Variants in ACHE observed in about 807,000 individuals in gnomAD.
ACHE encodes the protein acetylcholinesterase.
Under a neutral mutation model 53.9 loss-of-function variants are expected in ACHE, and 19 were observed. The observed-to-expected ratio is 0.35, with a 90% CI of 0.25 to 0.52. ACHE has a LOEUF of 0.52. ACHE is among the 20% of genes least tolerant of loss of function. The probability of loss-of-function intolerance (pLI) is 0.95; values close to 1 mark genes in which losing one functional copy is unlikely to be tolerated. For synonymous variants in ACHE, 392 were observed against 378.1 expected (o/e 1.04, Z -0.43); for missense variants, 605 against 849.4 (o/e 0.71, Z 3.58).
At chr7:100,895,017 C>T (rs923005292) in intron 1 of ACHE, among the ~76,000 whole-genome samples, 1 of 152,028 alleles carries the variant, frequency 6.6e-6, no homozygotes, top group African/African-American at 2.4e-5. Flanking sequence ...AGCCAGGAGC[C>T]GGGAACTTGG....
Position 100,893,359 on chromosome 7 carries a change from C to T in ACHE, c.874G>A (p.Gly292Ser), listed in dbSNP as rs150598944. ...AGCTCTGTGTCATTCCCACCAGTGC[C>T]GCCTGGAGGACAGCCCACAAGGTGG... is the stretch of plus-strand genomic sequence containing the variant. ...LAHLVGCPPG[G>S]TGGNDTELVA... Residue 292 changes from glycine to serine, a missense_variant, in exon 2 of 5, where the codon GGC (glycine) becomes AGC (serine). Physicochemically the swap from Gly to Ser is moderately conservative, Grantham distance 56. This residue lies in a region of ACHE where 397 missense variants were observed against 632.5 expected (regional missense o/e 0.63). Transcript: ENST00000241069. 31 of 1,613,572 alleles carry T rather than the reference C, an allele frequency of 1.9e-5. No homozygotes were observed. Among genetic ancestry groups the T allele is most frequent in the African/African-American group, 1.6e-4 (12 of 74,938 alleles).
intron 1 of ACHE, among the ~76,000 whole-genome samples, chr7:100,894,780 C>T (rs1206290418): frequency 2.0e-5 from 3 of 152,070 alleles, no homozygotes; most frequent in African/African-American, 7.2e-5. Flanking sequence ...CCTGCCTAGT[C>T]CACTCCCCAC....
At position 100,892,462 on chromosome 7, in the gene ACHE, C is replaced by A; in HGVS notation, c.1425G>T (p.Gly475=). The A allele has an allele frequency of 1.3e-6, 2 of 1,567,068 alleles. No individual in the cohort carries two copies. The highest frequency in any genetic ancestry group is 1.7e-6 in the Non-Finnish European group (2 of 1,149,704). The part of the protein sequence containing the change: ...ASTLSWPLWM[G]VPHGYEIEFI... Reference sequence around the variant, plus strand: ...ACTCGATCTCGTAGCCGTGGGGCACCCCCATCCACAGGGGCCAGGAGAGCG... The same window carrying A: ...ACTCGATCTCGTAGCCGTGGGGCACACCCATCCACAGGGGCCAGGAGAGCG... The change falls in exon 3 of 5, where the codon GGG becomes GGT. Residue 475 remains glycine, a synonymous_variant. Coordinates refer to ENST00000241069, the MANE Select transcript of ACHE (RefSeq NM_000665.5). This position sits in a 1 kb window ranked among gnomAD's most constrained non-coding sequence, Gnocchi z 5.2.
Position 100,892,864 on chromosome 7 carries a change from C to A in ACHE, c.1069-46G>T. ...GGTGGGATGGAGCGACAGGCACAGA[C>A]AGACAAGTAGACAGAAACAGATGGA... On this transcript the variant is annotated intron_variant, in intron 2 of 4. Transcript: ENST00000241069. The surrounding 1 kb of genome is among the most constrained non-coding windows in gnomAD (Gnocchi z 5.2). The A allele has an allele frequency of 6.6e-7, 1 of 1,506,836 alleles. No homozygotes were observed. Among genetic ancestry groups the A allele is most frequent in the Non-Finnish European group, 8.9e-7 (1 of 1,129,172 alleles). 93.3% of individuals were successfully genotyped at this position (1,506,836 alleles called of 1,614,324 possible). A position where few individuals can be genotyped will look rare whatever the true frequency, so the allele number is the denominator to read the frequency against.
At position 100,892,232 on chromosome 7, in the gene ACHE, C is replaced by A; in HGVS notation, c.1553+102G>T. On this transcript the variant is annotated intron_variant, in intron 3 of 4. Coordinates refer to ENST00000241069, the MANE Select transcript of ACHE (RefSeq NM_000665.5). This position sits in a 1 kb window ranked among gnomAD's most constrained non-coding sequence, Gnocchi z 5.2. The stretch of plus-strand genomic sequence containing the variant: ...CCCTCTCTGGCTGTTCTATCCTGCC[C>A]CTGTCCCACCCGTCCTTTCTGTCTC... 7.1e-7 allele frequency: 1 copy of A among 1,402,688 alleles called. No individual in the cohort carries two copies. The highest frequency in any genetic ancestry group is 1.8e-5 in the South Asian group (1 of 54,912). The allele number at this position is 1,402,688 out of a possible 1,614,324, so 86.9% of individuals were successfully genotyped here.
intron 1 of ACHE, among the ~76,000 whole-genome samples, chr7:100,895,159 G>A (rs976207458): frequency 1.3e-5 from 2 of 152,060 alleles, no homozygotes; most frequent in African/African-American, 4.8e-5. Context: ...CAGCTGCTAC[G>A]GTTCCGGCAT....
At chr7:100,896,734 T>C (rs1461030208), upstream of ACHE, 3 of 318,664 alleles carry the variant, frequency 9.4e-6, no homozygotes, top group Non-Finnish European at 2.0e-5. Flanking sequence ...CTAGCATTCA[T>C]TGGCCACGCG....
chr7:100,891,038 G>A (rs748465952), intron 4 of ACHE, 131 bp downstream of exon 4: 1 of 1,459,274 alleles, frequency 6.9e-7, no homozygotes, highest in East Asian at 2.5e-5. Context: ...CCGGGCCTCG[G>A]AGCAGCCTCC....
In ACHE at chr7:100,893,498, C is replaced by T. The variant is rs773344986; in HGVS notation, c.735G>A (p.Leu245=). ...AGAASVGMHL[L]SPPSRGLFHR... ...GGAACAGGCCCCGGCTGGGCGGGGA[C>T]AGCAGGTGCATGCCCACCGAGGCGG... Residue 245 remains leucine, a synonymous_variant, in exon 2 of 5, where the codon CTG becomes CTA. Coordinates refer to ENST00000241069, the MANE Select transcript of ACHE (RefSeq NM_000665.5). 4 of 1,608,212 alleles carry T rather than the reference C, an allele frequency of 2.5e-6. No individual in the cohort carries two copies. In the South Asian group the frequency reaches 3.3e-5, roughly 13 times the overall value.
In ACHE at chr7:100,891,072, G is replaced by GC. The variant is rs771039143; in HGVS notation, c.1723+96dup. ...CCCCATGGGTGAAGCCTGGGCAGGTGCTGGGAGCCTCCGAGGCTAGGGGGA... is the reference window on the plus strand; with the variant it reads ...CCCCATGGGTGAAGCCTGGGCAGGTGCCTGGGAGCCTCCGAGGCTAGGGGGA... On this transcript the variant is annotated intron_variant, in intron 4 of 4. Coordinates refer to ENST00000241069, the MANE Select transcript of ACHE (RefSeq NM_000665.5). 7 of 1,515,480 alleles carry GC rather than the reference G, an allele frequency of 4.6e-6. No individual in the cohort carries two copies. In the East Asian group the frequency reaches 1.2e-4, roughly 26 times the overall value. The allele number at this position is 1,515,480 out of a possible 1,614,324, so 93.9% of individuals were successfully genotyped here.
chr7:100,896,069 G>A (rs909646954), upstream of ACHE: 3 of 152,004 alleles, frequency 2.0e-5, no homozygotes, highest in Admixed American at 1.3e-4. Context: ...TCCAGTGCCA[G>A]ACGCCGACCG....
At chr7:100,890,415 AG>A (rs983767748) in intron 4 of ACHE, 80 bp from the exon 5 acceptor site, 21 of 1,536,952 alleles carry the variant, frequency 1.4e-5, no homozygotes, top group Non-Finnish European at 1.6e-5. Flanking sequence ...GGCGGGTTGA[AG>A]GGGGGGTATG....
At position 100,892,958 on chromosome 7, in the gene ACHE, G is replaced by A. The variant is rs188606827; in HGVS notation, c.1069-140C>T. On this transcript the variant is annotated intron_variant, in intron 2 of 4. Coordinates refer to ENST00000241069, the MANE Select transcript of ACHE (RefSeq NM_000665.5). This position sits in a 1 kb window ranked among gnomAD's most constrained non-coding sequence, Gnocchi z 5.2. ...ATGGACAGAGAGAGGACGAGATCAG[G>A]GGAGGGATGCAGAGAAAGAGAAAAT... 3 of 1,272,930 alleles carry A rather than the reference G, an allele frequency of 2.4e-6. No homozygotes were observed. In the East Asian group the frequency reaches 7.6e-5, roughly 32 times the overall value. The allele number at this position is 1,272,930 out of a possible 1,614,324, so 78.9% of individuals were successfully genotyped here. A position where few individuals can be genotyped will look rare whatever the true frequency, so the allele number is the denominator to read the frequency against.
At chr7:100,890,612 G>T (rs983905026) in intron 4 of ACHE, 2 of 1,379,300 alleles carry the variant, frequency 1.5e-6, no homozygotes, top group African/African-American at 2.9e-5. Context: ...AGGAGGGGGA[G>T]GTTGGGGGAA....
chr7:100,894,404 G>C, intron 1 of ACHE, 152 bp from the exon 2 acceptor site: 91 of 458,874 alleles, frequency 2.0e-4, no homozygotes, highest in Middle Eastern at 1.0e-3. Context: ...GGGAGGGAAG[G>C]AGACAGGCAG....
chr7:100,891,242 C>G lies in ACHE; in HGVS notation c.1650G>C (p.Glu550Asp), dbSNP rs776450194. 1 of 1,611,530 alleles carries G rather than the reference C, an allele frequency of 6.2e-7. No homozygotes were observed. Residue 550 changes from glutamate (E) to aspartate (D), a missense_variant, in exon 4 of 5, where the codon GAG becomes GAC. Transcript: ENST00000241069. ...QYVSLDLRPL[E>D]VRRGLRAQAC... ...CCTGGGCGCGCAGCCCCCGCCGCAC[C>G]TCCAGCGGCCGCAGGTCCAGACTAA... is the stretch of plus-strand genomic sequence containing the variant.
In ACHE at chr7:100,893,726, C is replaced by A; in HGVS notation, c.507G>T (p.Leu169Phe). 6.2e-7 allele frequency: 1 copy of A among 1,613,576 alleles called. No homozygotes were observed. The highest frequency in any genetic ancestry group is 8.5e-7 in the Non-Finnish European group (1 of 1,180,024). ...SSLDVYDGRF[L>F]VQAERTVLVS... ...CCAGCACAGTCCTCTCGGCCTGTAC[C>A]AAGAAGCGGCCATCGTACACGTCCA... The change falls in exon 2 of 5, where the codon TTG becomes TTT. Residue 169 changes from leucine (L) to phenylalanine (F), a missense_variant. Around this residue, in one of 4 missense-constraint regions of ACHE, gnomAD observed 397 missense variants for 632.5 expected, o/e 0.63. Transcript: ENST00000241069.
chr7:100,890,902 G>T, intron 4 of ACHE: 1 of 1,467,260 alleles, frequency 6.8e-7, no homozygotes, highest in Non-Finnish European at 9.0e-7. Context: ...CCTTCCCCAC[G>T]GTCCGACCAC....
At position 100,892,301 on chromosome 7, in the gene ACHE, C is replaced by T; in HGVS notation, c.1553+33G>A. ...TGTCCTCCCGCCCCCGACTCCTGTC[C>T]TCCCCAGCCTTCTCTCCCTCTGCAC... On this transcript the variant is annotated intron_variant, in intron 3 of 4. Transcript: ENST00000241069. The surrounding 1 kb of genome is among the most constrained non-coding windows in gnomAD (Gnocchi z 5.2). The T allele has an allele frequency of 6.7e-7, 1 of 1,481,656 alleles. No individual in the cohort carries two copies. The highest frequency in any genetic ancestry group is 9.0e-7 in the Non-Finnish European group (1 of 1,111,990). 91.8% of individuals were successfully genotyped at this position (1,481,656 alleles called of 1,614,324 possible).
Sources: allele counts gnomAD v4.1 joint callset (sites outside exome capture counted in the v4.1 genomes callset), GRCh38; gene constraint gnomAD v4.1.1; regional missense constraint gnomAD v4.1.1; non-coding constraint Gnocchi (gnomAD v3.1); transcripts MANE v1.5; gene names NCBI Gene and HGNC (gene_info 2026-07-23, HGNC 2026-07-21).